RCAN2: variants seen among roughly 807,000 people sequenced by gnomAD.
RCAN2 encodes regulator of calcineurin 2.
A neutral mutation model predicts 23.6 loss-of-function variants in RCAN2; 9 were observed. That is an observed-to-expected ratio of 0.38 (90% CI 0.23 to 0.67). RCAN2 has a LOEUF of 0.67. Ranked by LOEUF, RCAN2 falls within the 30% of genes least tolerant of loss-of-function variation. The pLI, the probability that RCAN2 is intolerant of heterozygous loss-of-function variation, is 0.51. For missense variants in RCAN2, 273 were observed against 302.3 expected (o/e 0.90, Z 0.72); for synonymous variants, 109 against 115.7 (o/e 0.94, Z 0.37).
chr6:46,343,170 A>G (rs1764381357), intron 2 of RCAN2, among the ~76,000 whole-genome samples: 1 of 152,134 alleles, frequency 6.6e-6, no homozygotes, highest in South Asian at 2.1e-4. Context: ...TATACAGGAG[A>G]ACAACAACAG....
chr6:46,337,852 TCAC>T (rs1258951453), intron 2 of RCAN2, among the ~76,000 whole-genome samples: 1 of 152,184 alleles, frequency 6.6e-6, no homozygotes. Flanking sequence ...GACACTTGGG[TCAC>T]CTGTTCACCT....
chr6:46,415,645 GGA>G (rs1322287965), intron 2 of RCAN2, among the ~76,000 whole-genome samples: 1 of 152,088 alleles, frequency 6.6e-6, no homozygotes, highest in Non-Finnish European at 1.5e-5. Flanking sequence ...AGACTAAAAA[GGA>G]GAGTTAGGAG....
intron 2 of RCAN2, among the ~76,000 whole-genome samples, chr6:46,393,507 C>G (rs1485859493): frequency 6.6e-6 from 1 of 152,162 alleles, no homozygotes; most frequent in African/African-American, 2.4e-5. Flanking sequence ...AGGGGCATTT[C>G]TAATGGATAA....
intron 2 of RCAN2, among the ~76,000 whole-genome samples, chr6:46,255,659 C>A (rs1766885123): frequency 6.6e-6 from 1 of 151,938 alleles, no homozygotes; most frequent in Non-Finnish European, 1.5e-5. Context: ...TGCACGGTGA[C>A]CACCGACTCA....
intron 2 of RCAN2, among the ~76,000 whole-genome samples, chr6:46,272,537 A>C (rs1369334481): frequency 6.6e-6 from 1 of 152,238 alleles, no homozygotes; most frequent in Non-Finnish European, 1.5e-5. Context: ...ACTCACATAT[A>C]TATAGATGCA....
At chr6:46,258,526 T>C (rs1582038411) in intron 2 of RCAN2, among the ~76,000 whole-genome samples, 1 of 152,226 alleles carries the variant, frequency 6.6e-6, no homozygotes, top group East Asian at 1.9e-4. Context: ...GGTAAAGGTA[T>C]AGAAGCCTTT....
At chr6:46,356,231 T>C (rs1764826497) in intron 2 of RCAN2, among the ~76,000 whole-genome samples, 1 of 152,198 alleles carries the variant, frequency 6.6e-6, no homozygotes, top group Admixed American at 6.5e-5. Flanking sequence ...ATCAGTAAGC[T>C]GAACTGACAC....
chr6:46,456,811 G>T lies in RCAN2; in HGVS notation c.166C>A (p.Pro56Thr). 6.4e-7 allele frequency: 1 copy of T among 1,550,802 alleles called. No individual in the cohort carries two copies. The highest frequency in any genetic ancestry group is 1.4e-5 in the African/African-American group (1 of 73,172). Residue 56 changes from proline (P) to threonine (T), a missense_variant, in exon 2 of 5, where the codon CCC (proline) becomes ACC (threonine). Pro to Thr is a conservative substitution (Grantham distance 38). Coordinates refer to ENST00000371374, the MANE Select transcript of RCAN2 (RefSeq NM_001251974.2). The part of the protein sequence containing the change: ...FQAITDFNDL[P>T]NSLFACNVHQ... ...ACATTGCACGCAAACAACGAGTTGG[G>T]GAGGTCATTGAAGTCAGTGATTGCT...
At chr6:46,261,132 T>A (rs1340368149) in intron 2 of RCAN2, among the ~76,000 whole-genome samples, 1 of 152,192 alleles carries the variant, frequency 6.6e-6, no homozygotes, top group Non-Finnish European at 1.5e-5. Context: ...TGATTAGATA[T>A]AGGCTCTAAT....
At chr6:46,452,774 C>A (rs762781383) in intron 2 of RCAN2, among the ~76,000 whole-genome samples, 9 of 152,124 alleles carry the variant, frequency 5.9e-5, no homozygotes, top group Non-Finnish European at 1.2e-4. Context: ...TAGGTATTTG[C>A]TGCTGATGTT....
intron 2 of RCAN2, among the ~76,000 whole-genome samples, chr6:46,303,895 T>C (rs904191502): frequency 3.9e-5 from 6 of 152,144 alleles, no homozygotes; most frequent in Non-Finnish European, 8.8e-5. Context: ...GGGGCTATTA[T>C]GAACAAGCCT....
At chr6:46,361,242 T>C (rs973532356) in intron 2 of RCAN2, among the ~76,000 whole-genome samples, 2 of 152,158 alleles carry the variant, frequency 1.3e-5, no homozygotes, top group Admixed American at 6.5e-5. Flanking sequence ...AGAGTCTGCA[T>C]GTAATGAGAC....
intron 2 of RCAN2, among the ~76,000 whole-genome samples, chr6:46,450,597 C>T (rs2178054): frequency 0.52 from 78,494 of 151,768 alleles, 20,607 homozygotes; most frequent in East Asian, 0.61. Context: ...TATGAAATAC[C>T]AGTCAGCCTT....
chr6:46,344,802 A>G (rs976819804), intron 2 of RCAN2, among the ~76,000 whole-genome samples: 2 of 152,056 alleles, frequency 1.3e-5, no homozygotes, highest in Non-Finnish European at 2.9e-5. Context: ...CAACAAAGGA[A>G]TATAGGCCAG....
intron 1 of RCAN2, among the ~76,000 whole-genome samples, chr6:46,481,715 T>C (rs1387672954): frequency 6.6e-6 from 1 of 152,166 alleles, no homozygotes; most frequent in Non-Finnish European, 1.5e-5. Context: ...GTCTCAATTA[T>C]TACTATTGGC....
intron 1 of RCAN2, among the ~76,000 whole-genome samples, chr6:46,467,563 T>C (rs1289417536): frequency 6.6e-6 from 1 of 152,190 alleles, no homozygotes; most frequent in Non-Finnish European, 1.5e-5. Flanking sequence ...TGGGTCTTTT[T>C]GCATGTACAG....
At chr6:46,434,794 G>C (rs1016295109) in intron 2 of RCAN2, among the ~76,000 whole-genome samples, 2 of 152,106 alleles carry the variant, frequency 1.3e-5, no homozygotes, top group African/African-American at 4.8e-5. Flanking sequence ...GCAATGTCTG[G>C]GGCCATTTTG....
intron 2 of RCAN2, among the ~76,000 whole-genome samples, chr6:46,343,066 C>A (rs1407313044): frequency 2.6e-5 from 4 of 152,044 alleles, no homozygotes; most frequent in Admixed American, 2.6e-4. Flanking sequence ...GAAAACTCAT[C>A]AAACTTCATG....
At chr6:46,351,362 A>G (rs1291247767) in intron 2 of RCAN2, among the ~76,000 whole-genome samples, 1 of 152,250 alleles carries the variant, frequency 6.6e-6, no homozygotes, top group Non-Finnish European at 1.5e-5. Context: ...ATGATCTAGC[A>G]TCCTAGTCAA....
Sources: gnomAD v4.1 joint callset for allele counts (sites outside exome capture counted in the v4.1 genomes callset) on GRCh38, gnomAD v4.1.1 for gene constraint, MANE v1.5 for transcripts, NCBI Gene and HGNC (gene_info 2026-07-23, HGNC 2026-07-21) for gene names.